CAMTA1: variants seen among roughly 807,000 people sequenced by gnomAD.
CAMTA1 encodes the protein calmodulin binding transcription activator 1, also known as calmodulin-binding transcription activator 1.
Under a neutral mutation model 170.9 loss-of-function variants are expected in CAMTA1, and 27 were observed. That is an observed-to-expected ratio of 0.16 (90% CI 0.12 to 0.22). The LOEUF (loss-of-function observed/expected upper bound fraction) is 0.22, where lower values mean the gene tolerates loss of function less well. Among genes scored for constraint, CAMTA1 ranks in the 10% least tolerant of loss-of-function variants. The pLI is 1.00. For synonymous variants in CAMTA1, 833 were observed against 891.5 expected, an observed-to-expected ratio of 0.93 and a Z score of 1.17; for missense variants, 1,619 against 2,217.2, an observed-to-expected ratio of 0.73 and a Z score of 5.42.
At chr1:7,099,065 T>A (rs1333609068) in intron 4 of CAMTA1, among the ~76,000 whole-genome samples, 1 of 151,052 alleles carries the variant, frequency 6.6e-6, no homozygotes, top group East Asian at 2.0e-4. Context: ...TTTAAAAAAA[T>A]TTTGATATGG....
chr1:7,631,270 A>T (rs2095667206), intron 6 of CAMTA1, among the ~76,000 whole-genome samples: 1 of 152,162 alleles, frequency 6.6e-6, no homozygotes, highest in East Asian at 1.9e-4. Context: ...TGGCATAGAC[A>T]TGAACTGGGC....
intron 5 of CAMTA1, among the ~76,000 whole-genome samples, chr1:7,390,196 G>C (rs12035300): frequency 6.6e-6 from 1 of 152,260 alleles, no homozygotes; most frequent in East Asian, 1.9e-4. Flanking sequence ...TGGGCCTCTA[G>C]GAGCTGCCAA....
intron 4 of CAMTA1, among the ~76,000 whole-genome samples, chr1:7,225,779 C>G (rs1013725432): frequency 2.0e-5 from 3 of 152,202 alleles, no homozygotes; most frequent in Non-Finnish European, 4.4e-5. Context: ...AGTGGCATTT[C>G]CAGCTCAGAA....
chr1:6,920,413 A>G (rs577060230), intron 3 of CAMTA1, among the ~76,000 whole-genome samples: 8 of 152,202 alleles, frequency 5.3e-5, no homozygotes, highest in African/African-American at 1.9e-4. Flanking sequence ...CCTCCTTGCT[A>G]CTTTCACAGG....
chr1:7,530,843 C>G (rs1329281578), intron 6 of CAMTA1, among the ~76,000 whole-genome samples: 2 of 108,156 alleles, frequency 1.8e-5, no homozygotes, highest in Non-Finnish European at 3.4e-5. Flanking sequence ...GAGACTGAGT[C>G]TTGCTCTTGT....
intron 5 of CAMTA1, among the ~76,000 whole-genome samples, chr1:7,377,302 A>G (rs1422646260): frequency 2.0e-5 from 3 of 152,226 alleles, no homozygotes; most frequent in African/African-American, 7.2e-5. Context: ...GTGTAAGAGC[A>G]GCAGTGAAAA....
Position 7,588,536 on chromosome 1 carries a change from A to C in CAMTA1, c.511-51864A>C, listed in dbSNP as rs1329640070. ...GAGCTTGGTGTGCCCAAGGCCACGA[A>C]GTGGAGCCCAGGTCTTGCAGACTCC... is the stretch of plus-strand genomic sequence containing the variant. On this transcript the variant is annotated intron_variant, in intron 6 of 22. Transcript: ENST00000303635. This position sits in a 1 kb window ranked among gnomAD's most constrained non-coding sequence, Gnocchi z 5.8. Among the ~76,000 whole-genome samples the C allele has an allele frequency of 1.3e-5, 2 of 152,224 alleles. No homozygotes were observed. Among genetic ancestry groups the C allele is most frequent in the African/African-American group, 4.8e-5 (2 of 41,464 alleles).
intron 5 of CAMTA1, among the ~76,000 whole-genome samples, chr1:7,278,673 C>T (rs1373427226): frequency 3.3e-5 from 5 of 152,104 alleles, no homozygotes; most frequent in African/African-American, 7.2e-5. Context: ...TGTCAGTCTT[C>T]GTTTTCTAAT....
At chr1:6,851,547 A>G (rs569414450) in intron 3 of CAMTA1, among the ~76,000 whole-genome samples, 57 of 152,324 alleles carry the variant, frequency 3.7e-4, no homozygotes, top group African/African-American at 1.3e-3. Context: ...CAGATTTAAA[A>G]AATACTACCA....
chr1:7,663,366 C>T lies in CAMTA1; in HGVS notation c.819C>T (p.Ser273=), dbSNP rs770577849. Residue 273 remains serine (S), a synonymous_variant, in exon 9 of 23, where the codon AGC becomes AGT. Coordinates refer to ENST00000303635, the MANE Select transcript of CAMTA1 (RefSeq NM_015215.4). The part of the protein sequence containing the change: ...LCTGSLGAGG[S]VHHKCNSAKH... ...CGATCTCCGCAGGAGCTGGCGGCAG[C>T]GTGCATCACAAGTGTAACAGCGCCA... The T allele has an allele frequency of 3.1e-5, 48 of 1,525,294 alleles. No individual in the cohort carries two copies. In the East Asian group the frequency reaches 8.2e-4, roughly 26 times the overall value. 94.5% of individuals were successfully genotyped at this position (1,525,294 alleles called of 1,614,324 possible). A position where few individuals can be genotyped will look rare whatever the true frequency, so the allele number is the denominator to read the frequency against.
chr1:7,521,932 C>T (rs1253274028), intron 6 of CAMTA1, among the ~76,000 whole-genome samples: 5 of 152,208 alleles, frequency 3.3e-5, no homozygotes, highest in Admixed American at 6.5e-5. Context: ...CATTGAAGGA[C>T]GTCCGGATGT....
chr1:7,576,901 A>G (rs1473653530), intron 6 of CAMTA1, among the ~76,000 whole-genome samples: 1 of 152,216 alleles, frequency 6.6e-6, no homozygotes, highest in Non-Finnish European at 1.5e-5. Context: ...TCACAGATAC[A>G]GGGAATTTGT....
intron 6 of CAMTA1, among the ~76,000 whole-genome samples, chr1:7,572,392 T>A (rs1019843326): frequency 6.6e-6 from 1 of 152,250 alleles, no homozygotes; most frequent in East Asian, 1.9e-4. Context: ...GTTTTTGGTG[T>A]CTTCATCATG....
intron 3 of CAMTA1, among the ~76,000 whole-genome samples, chr1:6,902,074 A>AT (rs1553180447): frequency 1.3e-5 from 1 of 75,686 alleles, no homozygotes; most frequent in African/African-American, 4.1e-5. Flanking sequence ...CACACACACA[A>AT]AAAAAAAAAT....
Position 7,633,841 on chromosome 1 carries a change from C to T in CAMTA1, c.511-6559C>T, listed in dbSNP as rs978310447. Among the ~76,000 whole-genome samples, 3 of 152,222 alleles carry T rather than the reference C, an allele frequency of 2.0e-5. No individual in the cohort carries two copies. The highest frequency in any genetic ancestry group is 1.3e-4 in the Admixed American group (2 of 15,284). On this transcript the variant is annotated intron_variant, in intron 6 of 22. Coordinates refer to ENST00000303635, the MANE Select transcript of CAMTA1 (RefSeq NM_015215.4). This position sits in a 1 kb window ranked among gnomAD's most constrained non-coding sequence, Gnocchi z 4.1. ...GATTAGTGCTGCAAAGACAGCGAGG[C>T]GGGAACCAGGCAAGGTGGGCACTGT...
intron 6 of CAMTA1, among the ~76,000 whole-genome samples, chr1:7,527,912 C>T (rs898879373): frequency 6.6e-6 from 1 of 152,164 alleles, no homozygotes; most frequent in African/African-American, 2.4e-5. Context: ...CAAACAGCAG[C>T]ACCAATGCTC....
intron 5 of CAMTA1, among the ~76,000 whole-genome samples, chr1:7,298,388 G>A (rs1318516545): frequency 6.6e-6 from 1 of 152,084 alleles, no homozygotes; most frequent in African/African-American, 2.4e-5. Context: ...GATCCCCTGG[G>A]GTCCCCAGGA....
intron 5 of CAMTA1, among the ~76,000 whole-genome samples, chr1:7,310,293 A>G (rs961371342): frequency 6.6e-6 from 1 of 152,204 alleles, no homozygotes; most frequent in African/African-American, 2.4e-5. Flanking sequence ...ATCTTCAGCC[A>G]TTCAAATCAT....
intron 3 of CAMTA1, chr1:7,008,759 A>G (rs925668869): frequency 1.3e-5 from 2 of 152,242 alleles, no homozygotes; most frequent in African/African-American, 4.8e-5. Flanking sequence ...TGATTATTTT[A>G]TATTATTGCA....
Sources: allele counts gnomAD v4.1 joint callset (sites outside exome capture counted in the v4.1 genomes callset), GRCh38; gene constraint gnomAD v4.1.1; non-coding constraint Gnocchi (gnomAD v3.1); transcripts MANE v1.5; gene names NCBI Gene and HGNC (gene_info 2026-07-23, HGNC 2026-07-21).